Variants in DNAI1 observed in about 807,000 individuals in gnomAD.
DNAI1 encodes dynein axonemal intermediate chain 1, also known as dynein, axonemal, intermediate polypeptide 1.
DNAI1 carries 67 observed loss-of-function variants against 92.0 expected under a neutral mutation model. The observed-to-expected ratio is 0.73, with a 90% CI of 0.60 to 0.89. DNAI1 has a LOEUF of 0.89. DNAI1 is among the 40% of genes least tolerant of loss of function. The pLI is 0.00. For synonymous variants in DNAI1, 323 were observed against 319.6 expected, an observed-to-expected ratio of 1.01 and a Z score of -0.11; for missense variants, 839 against 866.6, an observed-to-expected ratio of 0.97 and a Z score of 0.40.
intron 12 of DNAI1, among the ~76,000 whole-genome samples, chr9:34,505,807 G>T (rs1276170856): frequency 6.6e-6 from 1 of 152,242 alleles, no homozygotes; most frequent in Non-Finnish European, 1.5e-5. Context: ...GGTAGGGGCT[G>T]CACTAGCCTT....
At chr9:34,493,096 G>T (rs1259727548) in intron 8 of DNAI1, 98 bp from the exon 9 acceptor site, 1 of 1,549,616 alleles carries the variant, frequency 6.5e-7, no homozygotes, top group Non-Finnish European at 8.9e-7. Flanking sequence ...TGTTGCCAGG[G>T]TTAACATGAC....
Position 34,500,730 on chromosome 9 carries a change from TACTATG to T in DNAI1, c.913_918del (p.Tyr305_Asp306del). On this transcript the variant is annotated inframe_deletion, in exon 11 of 20. Transcript: ENST00000242317. ...GCCTGTGTGTGTTTAAGATTTTAAGTACTATGACGATGCTGCTGATGAATACCGGGA... is the reference window on the plus strand; with the variant it reads ...GCCTGTGTGTGTTTAAGATTTTAAGTACGATGCTGCTGATGAATACCGGGA... 6.2e-7 allele frequency: 1 copy of T among 1,613,260 alleles called. No homozygotes were observed. Among genetic ancestry groups the T allele is most frequent in the Non-Finnish European group, 8.5e-7 (1 of 1,179,380 alleles).
chr9:34,474,772 T>C (rs1038932172), intron 1 of DNAI1, among the ~76,000 whole-genome samples: 1 of 152,062 alleles, frequency 6.6e-6, no homozygotes. Flanking sequence ...TTTCACCATG[T>C]TGGTCAGGCT....
intron 15 of DNAI1, 67 bp downstream of exon 15, chr9:34,512,491 C>T: frequency 6.8e-7 from 1 of 1,471,590 alleles, no homozygotes; most frequent in Non-Finnish European, 9.4e-7. Context: ...GGGTCAGTGA[C>T]AGTGGTCCTT....
At chr9:34,480,855 A>G (rs1824339111) in intron 1 of DNAI1, among the ~76,000 whole-genome samples, 1 of 152,182 alleles carries the variant, frequency 6.6e-6, no homozygotes, top group African/African-American at 2.4e-5. Flanking sequence ...CTGAGGCAGG[A>G]GAATTGCTTG....
intron 1 of DNAI1, among the ~76,000 whole-genome samples, chr9:34,477,496 C>T (rs961954395): frequency 6.6e-6 from 1 of 152,022 alleles, no homozygotes; most frequent in Non-Finnish European, 1.5e-5. Context: ...AGTAAGTTCT[C>T]AGTAGCAGTA....
intron 10 of DNAI1, among the ~76,000 whole-genome samples, chr9:34,498,837 T>A (rs1216520227): frequency 6.6e-6 from 1 of 152,120 alleles, no homozygotes; most frequent in Non-Finnish European, 1.5e-5. Context: ...ACAAGCCCCC[T>A]CATTATCATT....
intron 4 of DNAI1, chr9:34,487,838 A>C (rs1180499838): frequency 6.2e-6 from 1 of 160,046 alleles, no homozygotes; most frequent in Non-Finnish European, 1.4e-5. Context: ...TTTCCATCTC[A>C]TTGGTCCTGA....
chr9:34,464,097 C>A (rs896837240), intron 1 of DNAI1, among the ~76,000 whole-genome samples: 3 of 152,036 alleles, frequency 2.0e-5, no homozygotes, highest in African/African-American at 7.2e-5. Flanking sequence ...TACTTTTTTT[C>A]ATATACACTG....
In DNAI1 at chr9:34,500,832, C is replaced by T. The variant is rs1289915073; in HGVS notation, c.1012C>T (p.Leu338Phe). The T allele has an allele frequency of 1.9e-6, 3 of 1,613,586 alleles. No individual in the cohort carries two copies. Among genetic ancestry groups the T allele is most frequent in the Non-Finnish European group, 2.5e-6 (3 of 1,179,500 alleles). The change falls in exon 11 of 20, where the codon CTC (leucine) becomes TTC (phenylalanine). Residue 338 changes from leucine to phenylalanine, a missense_variant. By Grantham distance (22) the Leu-to-Phe change is conservative. Coordinates refer to ENST00000242317, the MANE Select transcript of DNAI1 (RefSeq NM_012144.4). Reference sequence around the variant, plus strand: ...AGCCAAGCGCCTGTCCGTCACTGCCCTCTGCTGGTAAGTATAGGCATTGCA... The same window carrying T: ...AGCCAAGCGCCTGTCCGTCACTGCCTTCTGCTGGTAAGTATAGGCATTGCA... ...DKAKRLSVTA[L>F]CWNPKYRDLF...
intron 1 of DNAI1, among the ~76,000 whole-genome samples, chr9:34,465,385 T>C (rs1028372046): frequency 5.9e-5 from 9 of 152,332 alleles, no homozygotes; most frequent in Admixed American, 3.9e-4. Context: ...ATGCAGTTGA[T>C]GATAATTTTG....
intron 1 of DNAI1, 67 bp downstream of exon 1, chr9:34,459,120 A>G (rs1823887591): frequency 7.2e-7 from 1 of 1,391,186 alleles, no homozygotes; most frequent in East Asian, 2.3e-5. Context: ...CACTAATCAT[A>G]CCTCTCCTAC....
chr9:34,463,652 T>C (rs1823988351), intron 1 of DNAI1, among the ~76,000 whole-genome samples: 1 of 152,206 alleles, frequency 6.6e-6, no homozygotes, highest in Admixed American at 6.5e-5. Context: ...TAGTACCTCT[T>C]TATAACTCAG....
chr9:34,493,392 G>C (rs1824651227), intron 9 of DNAI1, 64 bp downstream of exon 9: 7 of 1,608,910 alleles, frequency 4.4e-6, no homozygotes, highest in Non-Finnish European at 6.0e-6. Flanking sequence ...CCTCTGGGTA[G>C]ACAGAAGCCT....
rs1478632903 is a variant in DNAI1, at chr9:34,492,517, T to G, written c.682-677T>G. 3.2e-4 allele frequency among the ~76,000 whole-genome samples: 39 copies of G among 122,716 alleles called. 1 individual carries two copies. The highest frequency in any genetic ancestry group is 4.3e-4 in the African/African-American group (15 of 34,606). The allele number at this position is 122,716 out of a possible 152,430, so 80.5% of individuals were successfully genotyped here. A position where few individuals can be genotyped will look rare whatever the true frequency, so the allele number is the denominator to read the frequency against. On this transcript the variant is annotated intron_variant, in intron 8 of 19. Transcript: ENST00000242317. ...AGATATATATATATATATATATATA[T>G]ATATATATATATATATATTTGAGAC...
chr9:34,494,391 C>G (rs1273507012), intron 9 of DNAI1, among the ~76,000 whole-genome samples: 1 of 152,108 alleles, frequency 6.6e-6, no homozygotes, highest in East Asian at 1.9e-4. Context: ...TGATCATGGC[C>G]GTGCGGGTAC....
intron 1 of DNAI1, among the ~76,000 whole-genome samples, chr9:34,472,921 C>T (rs940097866): frequency 6.6e-6 from 1 of 151,798 alleles, no homozygotes; most frequent in South Asian, 2.1e-4. Flanking sequence ...AAAATTATGA[C>T]GATGAGTATA....
chr9:34,483,172 C>T (rs1456612552), intron 1 of DNAI1, among the ~76,000 whole-genome samples: 1 of 152,246 alleles, frequency 6.6e-6, no homozygotes, highest in African/African-American at 2.4e-5. Flanking sequence ...TCCACACCTC[C>T]CTGCAAGCTG....
At chr9:34,488,447 G>A (rs1033897424) in intron 4 of DNAI1, 1 of 153,200 alleles carries the variant, frequency 6.5e-6, no homozygotes, top group Non-Finnish European at 1.5e-5. Context: ...GGGGCAGGGA[G>A]ATCTGTGCAA....
Sources: allele counts gnomAD v4.1 joint callset (sites outside exome capture counted in the v4.1 genomes callset), GRCh38; gene constraint gnomAD v4.1.1; transcripts MANE v1.5; gene names NCBI Gene and HGNC (gene_info 2026-07-23, HGNC 2026-07-21).